The following MED17 variants were observed in gnomAD, a reference collection of about 807,000 sequenced individuals.
MED17 encodes mediator complex subunit 17, also known as mediator of RNA polymerase II transcription subunit 17.
Under a neutral mutation model 80.8 loss-of-function variants are expected in MED17, and 49 were observed. The ratio of observed to expected loss-of-function variants is 0.61; its 90% confidence interval spans 0.48 to 0.77. The LOEUF (loss-of-function observed/expected upper bound fraction) is 0.77, where lower values mean the gene tolerates loss of function less well. Among genes scored for constraint, MED17 ranks in the 30% least tolerant of loss-of-function variants. The probability of loss-of-function intolerance (pLI) is 0.00; values close to 1 mark genes in which losing one functional copy is unlikely to be tolerated. For missense variants in MED17, 718 were observed against 787.0 expected (o/e 0.91, Z 1.05); for synonymous variants, 281 against 280.4 (o/e 1.00, Z -0.02).
In MED17 at chr11:93,784,399, G is replaced by A. The variant is rs1591380337; in HGVS notation, c.-115G>A. 3 of 1,367,226 alleles carry A rather than the reference G, an allele frequency of 2.2e-6. No individual in the cohort carries two copies. The allele number at this position is 1,367,226 out of a possible 1,614,324, so 84.7% of individuals were successfully genotyped here. On this transcript the variant is annotated 5_prime_UTR_variant, in exon 1 of 12. Transcript: ENST00000251871. ...GCGTTCGGTTTCCCGAGGGTCTTCT[G>A]AGGCACCGCGGCTGCGGGCTTCTGA...
chr11:93,805,956 A>C (rs1377224618), intron 9 of MED17: 1 of 150,960 alleles, frequency 6.6e-6, no homozygotes, highest in Non-Finnish European at 1.5e-5. Context: ...AGCCTGGGCA[A>C]CATAGCAAGA....
intron 1 of MED17, 38 bp downstream of exon 1, chr11:93,784,801 G>C (rs1452140895): frequency 3.9e-6 from 6 of 1,533,118 alleles, no homozygotes; most frequent in Non-Finnish European, 5.2e-6. Context: ...CCCCGGTCTG[G>C]GTCCCAGCAC....
intron 3 of MED17, chr11:93,793,123 T>TTTTTTTTTTTTTTTTTG (rs1943857815): frequency 7.9e-6 from 1 of 126,658 alleles, no homozygotes; most frequent in Admixed American, 8.9e-5. Context: ...TCTTTTTTTT[T>TTTTTTTTTTTTTTTTTG]TTTTTTTTTT....
At chr11:93,799,376 A>G (rs948534646) in intron 8 of MED17, among the ~76,000 whole-genome samples, 2 of 152,154 alleles carry the variant, frequency 1.3e-5, no homozygotes, top group African/African-American at 2.4e-5. Flanking sequence ...GGGTTTCACC[A>G]TGTTGGCCAG....
At position 93,814,690 on chromosome 11, in the gene MED17, G is replaced by GA. The variant is rs1442605094; in HGVS notation, c.*2632dup. The GA allele has an allele frequency of 8.5e-5, 13 of 152,202 alleles. No homozygotes were observed. The East Asian group carries it at 2.5e-3, about 29-fold the overall frequency. The allele number at this position is 152,202 out of a possible 1,614,324, so 9.4% of individuals were successfully genotyped here. A position where few individuals can be genotyped will look rare whatever the true frequency, so the allele number is the denominator to read the frequency against. ...GTGCTTCTAAGAGTCAAGCCAATTA[G>GA]AAAAAATGGTTGAGACACCAGCTGT... On this transcript the variant is annotated 3_prime_UTR_variant, in exon 12 of 12. Coordinates refer to ENST00000251871, the MANE Select transcript of MED17 (RefSeq NM_004268.5).
rs765459175 is a variant in MED17, at chr11:93,801,878, C to G, written c.1372C>G (p.Pro458Ala). ...IDSLASRIED[P>A]QIQAHWSNIN... ...CAGCTTAGCAAGCCGAATTGAGGAT[C>G]CTCAGATACAGGCTCATTGGTCAAA... The change falls in exon 9 of 12, where the codon CCT (proline) becomes GCT (alanine). Residue 458 changes from proline to alanine, a missense_variant. Coordinates refer to ENST00000251871, the MANE Select transcript of MED17 (RefSeq NM_004268.5). 1.2e-6 allele frequency: 2 copies of G among 1,613,462 alleles called. No homozygotes were observed. The highest frequency in any genetic ancestry group is 1.7e-6 in the Non-Finnish European group (2 of 1,179,802).
intron 8 of MED17, among the ~76,000 whole-genome samples, chr11:93,799,178 ATTTTT>A (rs377623926): frequency 6.0e-5 from 7 of 116,734 alleles, no homozygotes; most frequent in Admixed American, 8.9e-5. Flanking sequence ...TCTACAAGAA[ATTTTT>A]TTTTTTTTTT....
rs972932136 is a variant in MED17, at chr11:93,788,326, T to G, written c.417+159T>G. On this transcript the variant is annotated intron_variant, in intron 2 of 11. Coordinates refer to ENST00000251871, the MANE Select transcript of MED17 (RefSeq NM_004268.5). ...TCTAAAACAAAGCCATACAACTGCATTTCCTTTATTTTTTTATTATATACC... is the reference window on the plus strand; with the variant it reads ...TCTAAAACAAAGCCATACAACTGCAGTTCCTTTATTTTTTTATTATATACC... 5.5e-5 allele frequency: 34 copies of G among 621,020 alleles called. 1 individual carries two copies. The Middle Eastern group carries it at 2.2e-3, about 39-fold the overall frequency. 38.5% of individuals were successfully genotyped at this position (621,020 alleles called of 1,614,324 possible). A position where few individuals can be genotyped will look rare whatever the true frequency, so the allele number is the denominator to read the frequency against.
At chr11:93,789,915 G>A (rs1943814430) in intron 2 of MED17, 2 of 153,648 alleles carry the variant, frequency 1.3e-5, no homozygotes, top group Middle Eastern at 3.1e-3. Flanking sequence ...CCAAGATGGT[G>A]GTACTGCATT....
intron 8 of MED17, chr11:93,801,509 C>T (rs1591388255): frequency 1.2e-5 from 4 of 325,354 alleles, no homozygotes; most frequent in South Asian, 6.0e-5. Flanking sequence ...CGTAGAATAT[C>T]GAATATCCTT....
chr11:93,794,061 TTCTGG>T lies in MED17; in HGVS notation c.859+30_859+34del, dbSNP rs753434306. 6 of 1,565,208 alleles carry T rather than the reference TTCTGG, an allele frequency of 3.8e-6. No individual in the cohort carries two copies. In the South Asian group the frequency reaches 6.7e-5, roughly 17 times the overall value. ...GTATGGTTATGTTCTATTCTCTAAT[TTCTGG>T]TCTTATTTGAGCTGACATTTTAAAA... On this transcript the variant is annotated intron_variant, in intron 5 of 11. Transcript: ENST00000251871.
chr11:93,790,298 T>C (rs1381443960), intron 2 of MED17: 7 of 528,170 alleles, frequency 1.3e-5, no homozygotes. Flanking sequence ...GGAATGGCAG[T>C]ACATTAAGAG....
chr11:93,809,911 T>G (rs1196899630), intron 11 of MED17, 35 bp downstream of exon 11: 2 of 1,612,148 alleles, frequency 1.2e-6, no homozygotes, highest in Non-Finnish European at 8.5e-7. Context: ...AAGGGACCAT[T>G]GGGAGTTTGG....
At chr11:93,808,774 A>G (rs1009337882) in intron 10 of MED17, 1 of 152,104 alleles carries the variant, frequency 6.6e-6, no homozygotes, top group Non-Finnish European at 1.5e-5. Flanking sequence ...ACACAAAAAT[A>G]TATTAGAACA....
intron 3 of MED17, chr11:93,793,275 C>A (rs918473977): frequency 1.1e-5 from 2 of 178,676 alleles, no homozygotes; most frequent in African/African-American, 4.8e-5. Flanking sequence ...GCCACCACGC[C>A]CAGTTAATTT....
chr11:93,805,479 A>G (rs139183285), intron 9 of MED17, among the ~76,000 whole-genome samples: 3,358 of 152,164 alleles, frequency 0.022, 125 homozygotes, highest in African/African-American at 0.075. Flanking sequence ...TACTTGGGAG[A>G]CTGAAGTGGG....
chr11:93,808,189 C>A (rs1312029810), intron 10 of MED17: 1 of 167,136 alleles, frequency 6.0e-6, no homozygotes, highest in Non-Finnish European at 1.3e-5. Context: ...CATAGCAAGA[C>A]CCCTGTCTCC....
rs1184041741 is a variant in MED17, at chr11:93,784,397, C to T, written c.-117C>T. 12 of 1,358,858 alleles carry T rather than the reference C, an allele frequency of 8.8e-6. No individual in the cohort carries two copies. The Admixed American group carries it at 1.1e-4, about 12-fold the overall frequency. 84.2% of individuals were successfully genotyped at this position (1,358,858 alleles called of 1,614,324 possible). ...TTGCGTTCGGTTTCCCGAGGGTCTTCTGAGGCACCGCGGCTGCGGGCTTCT... is the reference window on the plus strand; with the variant it reads ...TTGCGTTCGGTTTCCCGAGGGTCTTTTGAGGCACCGCGGCTGCGGGCTTCT... On this transcript the variant is annotated 5_prime_UTR_variant, in exon 1 of 12. Coordinates refer to ENST00000251871, the MANE Select transcript of MED17 (RefSeq NM_004268.5).
intron 11 of MED17, chr11:93,810,188 C>T (rs1944071405): frequency 2.9e-6 from 1 of 349,078 alleles, no homozygotes; most frequent in South Asian, 2.5e-5. Context: ...ATATATACTG[C>T]TGTAAACATG....
Sources: allele counts gnomAD v4.1 joint callset (sites outside exome capture counted in the v4.1 genomes callset), GRCh38; gene constraint gnomAD v4.1.1; transcripts MANE v1.5; gene names NCBI Gene and HGNC (gene_info 2026-07-23, HGNC 2026-07-21).